The following UPP2 variants were observed in gnomAD, a reference collection of about 807,000 sequenced individuals.
UPP2 encodes the protein uridine phosphorylase 2.
Under a neutral mutation model 26.7 loss-of-function variants are expected in UPP2, and 23 were observed. The ratio of observed to expected loss-of-function variants is 0.86; its 90% CI spans 0.62 to 1.22. UPP2 has a LOEUF of 1.22. Among genes scored for constraint, UPP2 ranks in the 50% most tolerant of loss-of-function variants. The pLI, the probability that UPP2 is intolerant of heterozygous loss-of-function variation, is 0.00. For missense variants in UPP2, 387 were observed against 396.7 expected (o/e 0.98, Z 0.21); for synonymous variants, 127 against 141.3 (o/e 0.90, Z 0.72).
chr2:158,079,457 T>G (rs1232745792), intron 3 of UPP2, among the ~76,000 whole-genome samples: 1 of 152,036 alleles, frequency 6.6e-6, no homozygotes, highest in Non-Finnish European at 1.5e-5. Context: ...TCCTGGAAGA[T>G]CTGGGGCAAA....
chr2:158,052,890 A>T (rs1475395312), intron 3 of UPP2, among the ~76,000 whole-genome samples: 2 of 152,234 alleles, frequency 1.3e-5, no homozygotes, highest in Admixed American at 6.5e-5. Context: ...AATACATACA[A>T]GTATGAACAT....
At position 158,135,016 on chromosome 2, in the gene UPP2, T is replaced by G. The variant is rs1683902756; in HGVS notation, c.*126T>G. 1 of 1,147,096 alleles carries G rather than the reference T, an allele frequency of 8.7e-7. No individual in the cohort carries two copies. Among genetic ancestry groups the G allele is most frequent in the Admixed American group, 3.5e-5 (1 of 28,616 alleles). 71.1% of individuals were successfully genotyped at this position (1,147,096 alleles called of 1,614,324 possible). On this transcript the variant is annotated 3_prime_UTR_variant, in exon 7 of 7. Transcript: ENST00000005756. ...CCACATGCTAAATGGAAAGACTTTATGAAATCCTTCTCTCTTAAAAAGGAA... is the reference window on the plus strand; with the variant it reads ...CCACATGCTAAATGGAAAGACTTTAGGAAATCCTTCTCTCTTAAAAAGGAA...
At chr2:158,091,839 G>A (rs1282427499) in intron 3 of UPP2, among the ~76,000 whole-genome samples, 1 of 152,216 alleles carries the variant, frequency 6.6e-6, no homozygotes, top group Non-Finnish European at 1.5e-5. Context: ...CACATTGTCA[G>A]TTCTGACTCA....
intron 3 of UPP2, among the ~76,000 whole-genome samples, chr2:158,045,965 G>T (rs1684147374): frequency 6.6e-6 from 1 of 152,012 alleles, no homozygotes; most frequent in Non-Finnish European, 1.5e-5. Flanking sequence ...AATGGCATTT[G>T]GGCCTCTTTC....
intron 2 of UPP2, among the ~76,000 whole-genome samples, chr2:158,109,108 T>G (rs1383162115): frequency 6.6e-6 from 1 of 152,042 alleles, no homozygotes; most frequent in Non-Finnish European, 1.5e-5. Context: ...CATTCTACAT[T>G]CAATTTCTTG....
At chr2:158,105,241 A>C (rs895082768) in intron 1 of UPP2, among the ~76,000 whole-genome samples, 2 of 152,172 alleles carry the variant, frequency 1.3e-5, no homozygotes, top group Non-Finnish European at 2.9e-5. Context: ...AGATTGAATT[A>C]AGGTCATTCT....
At chr2:158,056,955 T>A (rs1019906899) in intron 3 of UPP2, among the ~76,000 whole-genome samples, 1 of 152,196 alleles carries the variant, frequency 6.6e-6, no homozygotes, top group African/African-American at 2.4e-5. Flanking sequence ...TTTTTCAGAT[T>A]TCCCTTATCT....
chr2:158,132,446 T>C (rs543760374), intron 6 of UPP2, among the ~76,000 whole-genome samples: 13 of 152,334 alleles, frequency 8.5e-5, no homozygotes, highest in Admixed American at 4.6e-4. Flanking sequence ...TGGTTGATCA[T>C]TCTAAGCCCT....
At position 158,115,331 on chromosome 2, in the gene UPP2, G is replaced by T. The variant is rs370988157; in HGVS notation, c.339+72G>T. On this transcript the variant is annotated intron_variant, in intron 3 of 6. Transcript: ENST00000005756. ...AAAAAGTGGGAACTTTTACATGTAG[G>T]AGTTCTTTTTCCCTCCAGCTTCGCA... The T allele has an allele frequency of 9.2e-5, 136 of 1,478,352 alleles. 1 individual carries two copies. The East Asian group carries it at 1.6e-3, about 17-fold the overall frequency. 91.6% of individuals were successfully genotyped at this position (1,478,352 alleles called of 1,614,324 possible).
At chr2:158,097,441 C>G (rs1471763619), upstream of UPP2, among the ~76,000 whole-genome samples, 1 of 152,014 alleles carries the variant, frequency 6.6e-6, no homozygotes, top group African/African-American at 2.4e-5. Context: ...TTTCGTCAAT[C>G]AAGAAATTTT....
chr2:158,104,981 A>AAGGGAAGG lies in UPP2; in HGVS notation c.63-1118_63-1117insAGGGAAGG, dbSNP rs1558932160. Reference sequence around the variant, plus strand: ...GGAAGGGAAGGGAAGGGAAGGGAAGAGAAGGGAAGGGAAGGGAGGGGAGGG... The same window carrying AAGGGAAGG: ...GGAAGGGAAGGGAAGGGAAGGGAAGAAGGGAAGGGAAGGGAAGGGAAGGGAGGGGAGGG... On this transcript the variant is annotated intron_variant, in intron 1 of 6. Transcript: ENST00000005756. 2.5e-3 allele frequency among the ~76,000 whole-genome samples: 44 copies of AAGGGAAGG among 17,934 alleles called. 1 individual carries two copies. Among genetic ancestry groups the AAGGGAAGG allele is most frequent in the East Asian group, 8.6e-3 (2 of 232 alleles). The allele number at this position is 17,934 out of a possible 152,430, so 11.8% of individuals were successfully genotyped here.
chr2:158,019,919 C>T (rs756333207), intron 3 of UPP2, among the ~76,000 whole-genome samples: 11 of 151,970 alleles, frequency 7.2e-5, no homozygotes, highest in Non-Finnish European at 1.6e-4. Context: ...AAGAAAAAGT[C>T]GATTTTATTG....
At chr2:158,027,633 A>G (rs1182460897) in intron 3 of UPP2, among the ~76,000 whole-genome samples, 1 of 152,044 alleles carries the variant, frequency 6.6e-6, no homozygotes, top group Non-Finnish European at 1.5e-5. Context: ...CCCTCTTTTC[A>G]TAGCTCCACT....
intron 3 of UPP2, among the ~76,000 whole-genome samples, chr2:158,039,362 T>C (rs1684052888): frequency 6.6e-6 from 1 of 152,236 alleles, no homozygotes; most frequent in African/African-American, 2.4e-5. Flanking sequence ...TGTACATCTG[T>C]AAAATGAAGC....
rs1035514004 is a variant in UPP2 at position 158,102,030 on chromosome 2, T to A, written c.-34T>A. 6.2e-7 allele frequency: 1 copy of A among 1,607,214 alleles called. No individual in the cohort carries two copies. Among genetic ancestry groups the A allele is most frequent in the Non-Finnish European group, 8.5e-7 (1 of 1,178,868 alleles). On this transcript the variant is annotated 5_prime_UTR_variant, in exon 1 of 7. Coordinates refer to ENST00000005756, the MANE Select transcript of UPP2 (RefSeq NM_173355.4). ...GTCACAATATCTCTCTTTCTTGACA[T>A]CAATTTAAGGTGACTTTTCACATAG... is the stretch of plus-strand genomic sequence containing the variant.
intron 3 of UPP2, among the ~76,000 whole-genome samples, chr2:158,023,964 G>A (rs1683795989): frequency 6.6e-6 from 1 of 152,128 alleles, no homozygotes; most frequent in East Asian, 1.9e-4. Flanking sequence ...TGCGTCAAAA[G>A]CATTTCATAT....
intron 2 of UPP2, among the ~76,000 whole-genome samples, chr2:157,999,593 CTA>C (rs1683374810): frequency 2.6e-5 from 4 of 152,160 alleles, no homozygotes; most frequent in African/African-American, 7.2e-5. Context: ...ACCATGACTG[CTA>C]TAGTCATTCA....
chr2:158,085,712 G>T (rs1030869695), intron 3 of UPP2, among the ~76,000 whole-genome samples: 1 of 152,082 alleles, frequency 6.6e-6, no homozygotes, highest in Non-Finnish European at 1.5e-5. Flanking sequence ...TAATCATAAA[G>T]GGATGCTGGA....
chr2:158,127,813 C>T (rs1357859183), intron 6 of UPP2: 1 of 162,660 alleles, frequency 6.1e-6, no homozygotes, highest in Non-Finnish European at 1.3e-5. Context: ...AACAAAGATT[C>T]AGGTGAAGGG....
Sources: gnomAD v4.1 joint callset for allele counts (sites outside exome capture counted in the v4.1 genomes callset) on GRCh38, gnomAD v4.1.1 for gene constraint, MANE v1.5 for transcripts, NCBI Gene and HGNC (gene_info 2026-07-23, HGNC 2026-07-21) for gene names.